The following SLC35F3 variants were observed in gnomAD, a reference collection of about 807,000 sequenced individuals.
The protein encoded by SLC35F3 is solute carrier family 35 member F3.
Under a neutral mutation model 49.9 loss-of-function variants are expected in SLC35F3, and 25 were observed. The observed-to-expected ratio is 0.50, with a 90% CI of 0.37 to 0.70. SLC35F3 has a LOEUF of 0.70. SLC35F3 is among the 30% of genes least tolerant of loss of function. SLC35F3 has a pLI of 0.00. For missense variants in SLC35F3, 525 were observed against 639.8 expected, an observed-to-expected ratio of 0.82 and a Z score of 1.94; for synonymous variants, 275 against 265.4, an observed-to-expected ratio of 1.04 and a Z score of -0.35.
chr1:233,935,190 T>C (rs988501377), intron 2 of SLC35F3, among the ~76,000 whole-genome samples: 1 of 32,798 alleles, frequency 3.0e-5, no homozygotes, highest in Admixed American at 4.2e-4. Flanking sequence ...TTCCTTGCCC[T>C]TTTTTTTTTT....
intron 3 of SLC35F3, among the ~76,000 whole-genome samples, chr1:234,257,164 C>T (rs1457674964): frequency 6.6e-6 from 1 of 152,190 alleles, no homozygotes; most frequent in Non-Finnish European, 1.5e-5. Context: ...AATAGTGCAA[C>T]ATATTGTCTG....
At chr1:233,998,433 A>G (rs889168306) in intron 2 of SLC35F3, among the ~76,000 whole-genome samples, 2 of 151,972 alleles carry the variant, frequency 1.3e-5, no homozygotes, top group African/African-American at 4.8e-5. Context: ...CTTACTGAGT[A>G]TTATACCAGA....
intron 2 of SLC35F3, among the ~76,000 whole-genome samples, chr1:234,191,642 G>A (rs188751900): frequency 6.8e-4 from 103 of 151,560 alleles, no homozygotes; most frequent in African/African-American, 2.3e-3. Context: ...AAAAAAATAC[G>A]AAAGACAAAT....
chr1:234,160,706 C>A (rs1666211740), intron 2 of SLC35F3, among the ~76,000 whole-genome samples: 1 of 152,144 alleles, frequency 6.6e-6, no homozygotes, highest in African/African-American at 2.4e-5. Flanking sequence ...AAGCACTGAG[C>A]CCCTTGTTAA....
At chr1:234,204,957 C>G (rs1351081543) in intron 2 of SLC35F3, among the ~76,000 whole-genome samples, 2 of 152,240 alleles carry the variant, frequency 1.3e-5, no homozygotes, top group Non-Finnish European at 2.9e-5. Context: ...ACATCTCTCT[C>G]CCTTTTTCCT....
chr1:234,300,575 T>C (rs1255189750), intron 3 of SLC35F3, among the ~76,000 whole-genome samples: 1 of 152,154 alleles, frequency 6.6e-6, no homozygotes, highest in African/African-American at 2.4e-5. Flanking sequence ...AGTTGGACAA[T>C]TAAATAAGCT....
At chr1:233,912,498 C>G (rs1661895535) in intron 2 of SLC35F3, among the ~76,000 whole-genome samples, 1 of 151,570 alleles carries the variant, frequency 6.6e-6, no homozygotes, top group Non-Finnish European at 1.5e-5. Flanking sequence ...AACAAAGAAA[C>G]AAACAAACAA....
intron 2 of SLC35F3, among the ~76,000 whole-genome samples, chr1:233,991,408 C>G (rs1663351956): frequency 6.6e-6 from 1 of 150,906 alleles, no homozygotes; most frequent in South Asian, 2.1e-4. Context: ...CTTAGCTCAT[C>G]AGATCCTGCA....
intron 2 of SLC35F3, among the ~76,000 whole-genome samples, chr1:234,159,639 T>G (rs1666198987): frequency 1.3e-5 from 2 of 152,328 alleles, no homozygotes; most frequent in African/African-American, 2.4e-5. Context: ...CAGATAGGCT[T>G]TACAAACTGG....
At chr1:234,108,675 TA>T (rs1665337958) in intron 2 of SLC35F3, among the ~76,000 whole-genome samples, 6 of 113,080 alleles carry the variant, frequency 5.3e-5, no homozygotes, top group Non-Finnish European at 9.9e-5. Context: ...ATAAAAGATA[TA>T]TATATTTTTA....
intron 3 of SLC35F3, among the ~76,000 whole-genome samples, chr1:234,280,271 TA>T (rs1390357331): frequency 1.3e-5 from 2 of 152,228 alleles, no homozygotes; most frequent in Non-Finnish European, 2.9e-5. Flanking sequence ...AGGCAACAAA[TA>T]GGCTTCCTCC....
intron 2 of SLC35F3, among the ~76,000 whole-genome samples, chr1:234,211,673 C>T (rs189630736): frequency 1.3e-5 from 2 of 152,352 alleles, no homozygotes; most frequent in African/African-American, 2.4e-5. Flanking sequence ...AATGCCTGTA[C>T]CCCCATTTAT....
chr1:233,993,122 C>T (rs990331815), intron 2 of SLC35F3, among the ~76,000 whole-genome samples: 8 of 152,096 alleles, frequency 5.3e-5, no homozygotes, highest in Non-Finnish European at 1.2e-4. Context: ...AGCTGTCCAC[C>T]GTGCCCGGCT....
intron 3 of SLC35F3, among the ~76,000 whole-genome samples, chr1:234,241,391 T>C (rs1667550841): frequency 6.6e-6 from 1 of 152,104 alleles, no homozygotes; most frequent in Non-Finnish European, 1.5e-5. Flanking sequence ...CCCACATGAC[T>C]TTGGGTAAGT....
chr1:234,180,179 A>C (rs1464419234), intron 2 of SLC35F3, among the ~76,000 whole-genome samples: 1 of 152,200 alleles, frequency 6.6e-6, no homozygotes, highest in Admixed American at 6.5e-5. Flanking sequence ...TCAGGTGGTC[A>C]TCTCCCCACT....
intron 2 of SLC35F3, among the ~76,000 whole-genome samples, chr1:234,114,129 G>A (rs1273438502): frequency 2.0e-5 from 3 of 152,286 alleles, no homozygotes; most frequent in East Asian, 1.9e-4. Context: ...AGATACACAC[G>A]ATAGTCTTAT....
chr1:234,058,813 G>T (rs1053293175), intron 2 of SLC35F3, among the ~76,000 whole-genome samples: 1 of 151,298 alleles, frequency 6.6e-6, no homozygotes, highest in South Asian at 2.1e-4. Flanking sequence ...GGTTTTTTTT[G>T]GTTTATTGTT....
chr1:234,248,614 A>T (rs969680093), intron 3 of SLC35F3, among the ~76,000 whole-genome samples: 2 of 152,126 alleles, frequency 1.3e-5, no homozygotes, highest in Non-Finnish European at 2.9e-5. Flanking sequence ...CTAATTGAAA[A>T]ACATCACATA....
Position 234,232,846 on chromosome 1 carries a change from ATGT to A in SLC35F3, c.608+1110_608+1112del, listed in dbSNP as rs535645172. On this transcript the variant is annotated intron_variant, in intron 3 of 7. Coordinates refer to ENST00000366618, the MANE Select transcript of SLC35F3 (RefSeq NM_173508.4). ...CAGAATTTCTTTCCGGGAATCTACC[ATGT>A]TGTTCCTGTAAACTTGTAGCTGGAA... 9.2e-5 allele frequency among the ~76,000 whole-genome samples: 14 copies of A among 152,330 alleles called. No individual in the cohort carries two copies. In the South Asian group the frequency reaches 2.9e-3, roughly 32 times the overall value.
Sources: gnomAD v4.1 joint callset for allele counts (sites outside exome capture counted in the v4.1 genomes callset) on GRCh38, gnomAD v4.1.1 for gene constraint, MANE v1.5 for transcripts, NCBI Gene and HGNC (gene_info 2026-07-23, HGNC 2026-07-21) for gene names.